The following USH2A variants were observed in gnomAD, a reference collection of about 807,000 sequenced individuals.
USH2A encodes usherin, also known as Usher syndrome 2A (autosomal recessive, mild).
A neutral mutation model predicts 538.9 loss-of-function variants in USH2A; 443 were observed. The ratio of observed to expected loss-of-function variants is 0.82; its 90% CI spans 0.76 to 0.89. USH2A has a LOEUF of 0.89. Ranked by LOEUF, USH2A falls within the 40% of genes least tolerant of loss-of-function variation. USH2A has a pLI of 0.00. For synonymous variants in USH2A, 2,413 were observed against 2,273.5 expected, an observed-to-expected ratio of 1.06 and a Z score of -1.75; for missense variants, 6,633 against 6,324.8, an observed-to-expected ratio of 1.05 and a Z score of -1.65.
chr1:215,825,704 C>T (rs960964818), intron 47 of USH2A, among the ~76,000 whole-genome samples: 1 of 152,068 alleles, frequency 6.6e-6, no homozygotes, highest in African/African-American at 2.4e-5. Flanking sequence ...ATGTAACACT[C>T]AAGTTCTTCA....
intron 13 of USH2A, among the ~76,000 whole-genome samples, chr1:216,241,285 C>T (rs191331225): frequency 7.2e-5 from 11 of 152,220 alleles, no homozygotes; most frequent in African/African-American, 9.6e-5. Context: ...CCAGAATAAA[C>T]ATCTAAAGGA....
At chr1:215,686,187 CTT>C (rs1428387155) in intron 61 of USH2A, among the ~76,000 whole-genome samples, 1 of 152,100 alleles carries the variant, frequency 6.6e-6, no homozygotes, top group Non-Finnish European at 1.5e-5. Context: ...AACACAGACT[CTT>C]GACTCTGAGG....
chr1:215,722,215 C>T (rs993445246), intron 61 of USH2A, among the ~76,000 whole-genome samples: 6 of 152,086 alleles, frequency 3.9e-5, no homozygotes, highest in South Asian at 2.1e-4. Flanking sequence ...AGAACCGACC[C>T]AGGAAATATG....
intron 41 of USH2A, chr1:215,886,686 C>T (rs1665065468): frequency 6.6e-6 from 1 of 152,126 alleles, no homozygotes; most frequent in Non-Finnish European, 1.5e-5. Flanking sequence ...CTAATCTAAA[C>T]TTCTCTAGCA....
intron 62 of USH2A, 64 bp downstream of exon 62, chr1:215,680,085 G>C (rs1403213677): frequency 6.5e-7 from 1 of 1,529,920 alleles, no homozygotes; most frequent in East Asian, 2.3e-5. Flanking sequence ...CTGATGGCAT[G>C]TCAGGGCTCA....
At chr1:216,086,844 A>C in intron 23 of USH2A, 24 bp from the exon 24 acceptor site, 1 of 1,554,212 alleles carries the variant, frequency 6.4e-7, no homozygotes, top group Non-Finnish European at 8.9e-7. Context: ...GATGAGAAAT[A>C]CACCTTCACC....
chr1:215,972,900 C>T (rs1667530904), intron 35 of USH2A, among the ~76,000 whole-genome samples: 1 of 152,044 alleles, frequency 6.6e-6, no homozygotes, highest in African/African-American at 2.4e-5. Flanking sequence ...CTATGTAGTA[C>T]TTGACACACA....
chr1:216,370,204 CA>C (rs997725241), intron 3 of USH2A, among the ~76,000 whole-genome samples: 1 of 151,290 alleles, frequency 6.6e-6, no homozygotes, highest in Non-Finnish European at 1.5e-5. Flanking sequence ...ACTAAAAATA[CA>C]AAAAAATTAG....
intron 4 of USH2A, among the ~76,000 whole-genome samples, chr1:216,348,680 G>A (rs1011762310): frequency 2.0e-5 from 3 of 151,998 alleles, no homozygotes; most frequent in East Asian, 1.9e-4. Context: ...CGCACAAATC[G>A]ATTCTATTAT....
At chr1:215,902,430 C>G (rs951405254) in intron 38 of USH2A, among the ~76,000 whole-genome samples, 1 of 152,178 alleles carries the variant, frequency 6.6e-6, no homozygotes, top group Admixed American at 6.6e-5. Context: ...TAAGGCTCCA[C>G]TCTGTGCTAA....
chr1:216,011,135 G>C (rs967361981), intron 32 of USH2A, among the ~76,000 whole-genome samples: 12 of 152,072 alleles, frequency 7.9e-5, no homozygotes, highest in African/African-American at 2.9e-4. Context: ...GTTAGTTCAG[G>C]ATCTATGCCT....
intron 35 of USH2A, among the ~76,000 whole-genome samples, chr1:215,971,916 T>A (rs1368444143): frequency 6.6e-6 from 1 of 151,774 alleles, no homozygotes; most frequent in African/African-American, 2.4e-5. Flanking sequence ...ATGAGGGAGG[T>A]GAGAGCACCG....
intron 4 of USH2A, among the ~76,000 whole-genome samples, chr1:216,362,970 A>T (rs2038524052): frequency 6.6e-6 from 1 of 151,128 alleles, no homozygotes; most frequent in African/African-American, 2.4e-5. Flanking sequence ...TAATAATATT[A>T]TTATTATTTA....
chr1:216,175,698 A>T (rs1476031498), intron 20 of USH2A, among the ~76,000 whole-genome samples: 1 of 152,216 alleles, frequency 6.6e-6, no homozygotes, highest in Non-Finnish European at 1.5e-5. Flanking sequence ...TATACTACAC[A>T]CAAAACTTTC....
intron 38 of USH2A, among the ~76,000 whole-genome samples, chr1:215,927,156 T>C (rs1260308837): frequency 1.3e-5 from 2 of 152,134 alleles, no homozygotes; most frequent in Admixed American, 6.6e-5. Context: ...GAAACCGTTT[T>C]CTATGAAAAT....
At chr1:216,359,978 G>A (rs1486905998) in intron 4 of USH2A, among the ~76,000 whole-genome samples, 3 of 152,006 alleles carry the variant, frequency 2.0e-5, no homozygotes, top group Non-Finnish European at 2.9e-5. Flanking sequence ...AATGTAAAAC[G>A]ATATAGTCAT....
chr1:215,895,317 G>C (rs779337031), intron 40 of USH2A, among the ~76,000 whole-genome samples: 2 of 152,154 alleles, frequency 1.3e-5, no homozygotes, highest in Non-Finnish European at 2.9e-5. Context: ...AGTTGAGACA[G>C]ATCCCTAGGT....
intron 32 of USH2A, among the ~76,000 whole-genome samples, chr1:216,034,008 A>C (rs1669186969): frequency 6.6e-6 from 1 of 152,196 alleles, no homozygotes; most frequent in South Asian, 2.1e-4. Context: ...AAATAAATTC[A>C]GTTTTAAGGA....
intron 61 of USH2A, among the ~76,000 whole-genome samples, chr1:215,715,544 A>G (rs988761652): frequency 2.6e-5 from 4 of 152,160 alleles, no homozygotes; most frequent in Admixed American, 6.5e-5. Flanking sequence ...AAAGCACTAG[A>G]TGGACAGGTC....
Sources: gnomAD v4.1 joint callset for allele counts (sites outside exome capture counted in the v4.1 genomes callset) on GRCh38, gnomAD v4.1.1 for gene constraint, MANE v1.5 for transcripts, NCBI Gene and HGNC (gene_info 2026-07-23, HGNC 2026-07-21) for gene names.